The following MAP7 variants were observed in gnomAD, a reference collection of about 807,000 sequenced individuals.
The protein encoded by MAP7 is ensconsin.
MAP7 carries 52 observed loss-of-function variants against 94.8 expected under a neutral mutation model. The ratio of observed to expected loss-of-function variants is 0.55; its 90% CI spans 0.44 to 0.69. The LOEUF (loss-of-function observed/expected upper bound fraction) is 0.69, where lower values mean the gene tolerates loss of function less well. Ranked by LOEUF, MAP7 falls within the 30% of genes least tolerant of loss-of-function variation. MAP7 has a pLI of 0.00. For missense variants in MAP7, 940 were observed against 964.6 expected (o/e 0.97, Z 0.34); for synonymous variants, 350 against 357.0 (o/e 0.98, Z 0.22).
At chr6:136,383,264 GT>G (rs1393865267) in intron 6 of MAP7, among the ~76,000 whole-genome samples, 2 of 152,146 alleles carry the variant, frequency 1.3e-5, no homozygotes, top group African/African-American at 4.8e-5. Flanking sequence ...CATTTAAAAA[GT>G]TTTTAAAGAA....
intron 1 of MAP7, among the ~76,000 whole-genome samples, chr6:136,513,910 G>A (rs375886229): frequency 6.6e-6 from 1 of 152,154 alleles, no homozygotes; most frequent in African/African-American, 2.4e-5. Flanking sequence ...GCAAGTGGTG[G>A]TGGTGGTTTT....
intron 1 of MAP7, among the ~76,000 whole-genome samples, chr6:136,518,785 C>T (rs1825585955): frequency 6.6e-6 from 1 of 152,168 alleles, no homozygotes; most frequent in Admixed American, 6.5e-5. Context: ...TCAATTCAAA[C>T]CCAGACTATA....
rs562618327 is a variant in MAP7 at position 136,411,531 on chromosome 6, T to C, written c.244+89A>G. On this transcript the variant is annotated intron_variant, in intron 3 of 17. Transcript: ENST00000354570. ...ATACTAAATTCTGCCTCATAGTCCA[T>C]CTGTAAAATTCATAAAGGTATGCAA... 260 of 1,060,220 alleles carry C rather than the reference T, an allele frequency of 2.5e-4. 1 individual carries two copies. The South Asian group carries it at 3.7e-3, about 15-fold the overall frequency. 65.7% of individuals were successfully genotyped at this position (1,060,220 alleles called of 1,614,324 possible).
chr6:136,421,860 A>T (rs1186863103), intron 1 of MAP7, 61 bp from the exon 2 acceptor site: 18 of 1,300,678 alleles, frequency 1.4e-5, no homozygotes, highest in Non-Finnish European at 1.9e-5. Context: ...CTTCAGAAAC[A>T]TTTAAGTATT....
At chr6:136,429,005 C>T (rs1252773907) in intron 1 of MAP7, among the ~76,000 whole-genome samples, 3 of 152,132 alleles carry the variant, frequency 2.0e-5, no homozygotes, top group African/African-American at 7.2e-5. Flanking sequence ...TACTAATCAT[C>T]TTATCATTAA....
intron 7 of MAP7, among the ~76,000 whole-genome samples, chr6:136,373,034 A>T (rs2128607809): frequency 6.6e-6 from 1 of 152,362 alleles, no homozygotes; most frequent in South Asian, 2.1e-4. Context: ...CTAGTTTATA[A>T]CCAGACTTTT....
At chr6:136,544,632 C>T (rs1488477490) in intron 1 of MAP7, among the ~76,000 whole-genome samples, 2 of 152,188 alleles carry the variant, frequency 1.3e-5, no homozygotes, top group Non-Finnish European at 2.9e-5. Context: ...CACTCCCAAA[C>T]CTTCAGCTAT....
intron 1 of MAP7, among the ~76,000 whole-genome samples, chr6:136,480,256 T>C (rs1293037252): frequency 1.3e-5 from 2 of 152,154 alleles, no homozygotes; most frequent in African/African-American, 4.8e-5. Context: ...GGACTGTCTC[T>C]TCAATAAATG....
chr6:136,541,289 C>A (rs1414428596), intron 1 of MAP7, among the ~76,000 whole-genome samples: 1 of 152,100 alleles, frequency 6.6e-6, no homozygotes, highest in South Asian at 2.1e-4. Context: ...AGGAAGGGCT[C>A]CTTTCTAGAA....
chr6:136,439,986 G>A (rs1371661001), intron 1 of MAP7, among the ~76,000 whole-genome samples: 1 of 152,152 alleles, frequency 6.6e-6, no homozygotes, highest in African/African-American at 2.4e-5. Flanking sequence ...GGTTCCATTT[G>A]AACTCAGTTT....
intron 13 of MAP7, among the ~76,000 whole-genome samples, 194 bp downstream of exon 13, chr6:136,360,503 G>C (rs1275435233): frequency 6.6e-6 from 1 of 152,204 alleles, no homozygotes; most frequent in African/African-American, 2.4e-5. Flanking sequence ...TAAGCTACAT[G>C]AAGTGGAAGT....
At chr6:136,402,905 CAAAAAAAAAAAAAAAAAAAAAA>C (rs57114676) in intron 3 of MAP7, among the ~76,000 whole-genome samples, 6 of 67,396 alleles carry the variant, frequency 8.9e-5, no homozygotes, top group Admixed American at 2.1e-4. Flanking sequence ...GACTCTGTCT[CAAAAAAAAAAAAAAAAAAAAAA>C]AAAAAAAAAA....
At chr6:136,462,634 G>A (rs1259530199) in intron 1 of MAP7, among the ~76,000 whole-genome samples, 1 of 152,068 alleles carries the variant, frequency 6.6e-6, no homozygotes, top group East Asian at 1.9e-4. Flanking sequence ...GAGGTCTCAG[G>A]AGGTTTAGGT....
intron 2 of MAP7, among the ~76,000 whole-genome samples, chr6:136,419,572 C>T (rs746312561): frequency 5.3e-5 from 8 of 151,960 alleles, no homozygotes; most frequent in Non-Finnish European, 7.4e-5. Context: ...ATATTCAGGC[C>T]CCCATGTGTA....
intron 1 of MAP7, among the ~76,000 whole-genome samples, chr6:136,495,252 T>G (rs1817840330): frequency 6.6e-6 from 1 of 152,258 alleles, no homozygotes; most frequent in Middle Eastern, 3.4e-3. Flanking sequence ...CTCCGAAAAC[T>G]TTCCTAAATG....
At chr6:136,375,359 G>A (rs1230378888) in intron 7 of MAP7, among the ~76,000 whole-genome samples, 2 of 152,206 alleles carry the variant, frequency 1.3e-5, no homozygotes, top group African/African-American at 4.8e-5. Flanking sequence ...GGGAGTTCCA[G>A]TTCTCAACTA....
chr6:136,431,643 G>A (rs190140213), intron 1 of MAP7, among the ~76,000 whole-genome samples: 12 of 151,932 alleles, frequency 7.9e-5, no homozygotes, highest in Non-Finnish European at 1.2e-4. Flanking sequence ...TTAGCCTCCC[G>A]AGTAGCTGGG....
chr6:136,426,772 T>C (rs941785552), intron 1 of MAP7, among the ~76,000 whole-genome samples: 3 of 152,224 alleles, frequency 2.0e-5, no homozygotes, highest in Non-Finnish European at 4.4e-5. Flanking sequence ...CTAAGGTCAA[T>C]GTCTCTTTGA....
chr6:136,388,325 A>G, intron 5 of MAP7, 68 bp downstream of exon 5: 1 of 1,155,272 alleles, frequency 8.7e-7, no homozygotes, highest in Middle Eastern at 2.0e-4. Context: ...TAGATTTAGA[A>G]GAAAGAAGGA....
Sources: allele counts gnomAD v4.1 joint callset (sites outside exome capture counted in the v4.1 genomes callset), GRCh38; gene constraint gnomAD v4.1.1; transcripts MANE v1.5; gene names NCBI Gene and HGNC (gene_info 2026-07-23, HGNC 2026-07-21).